LINC01488: variants seen among roughly 807,000 people sequenced by gnomAD.
LINC01488 encodes the protein long independently transcribed non-coding RNA 1488, also known as CCND1-upstream intergenic DNA repair 1.
At position 69,484,694 on chromosome 11, in the gene LINC01488, C is replaced by T. The variant is rs895820894; in HGVS notation, n.122+2911C>T. ...GCCGGCCCTGTGTCGCGCTGGCCCA[C>T]GCAGCTGCTGAGCCCTGCTGTTGGG... On this transcript the variant is annotated intron_variant and non_coding_transcript_variant, in intron 1 of 3. Coordinates refer to ENST00000644563, the Ensembl canonical transcript of LINC01488. Among the ~76,000 whole-genome samples, 9 of 152,248 alleles carry T rather than the reference C, an allele frequency of 5.9e-5. 1 individual carries two copies. Among genetic ancestry groups the T allele is most frequent in the Admixed American group, 3.9e-4 (6 of 15,290 alleles).
chr11:69,490,463 C>A (rs1857202777), intron 1 of LINC01488: 1 of 152,270 alleles, frequency 6.6e-6, no homozygotes, highest in African/African-American at 2.4e-5. Flanking sequence ...GCTAGAAATA[C>A]AATTCACCGA....
At chr11:69,489,368 G>A (rs1857178834) in intron 1 of LINC01488, among the ~76,000 whole-genome samples, 1 of 152,350 alleles carries the variant, frequency 6.6e-6, no homozygotes, top group Non-Finnish European at 1.5e-5. Context: ...GTTGGGCTCT[G>A]AGGACCCCTG....
At chr11:69,487,700 GGT>G (rs1044666498) in intron 1 of LINC01488, among the ~76,000 whole-genome samples, 3 of 152,128 alleles carry the variant, frequency 2.0e-5, no homozygotes, top group Non-Finnish European at 4.4e-5. Context: ...GGTGTGGGTG[GGT>G]GTCTCTTGTG....
intron 1 of LINC01488, among the ~76,000 whole-genome samples, chr11:69,488,801 C>T (rs559910963): frequency 7.2e-5 from 11 of 152,314 alleles, no homozygotes; most frequent in African/African-American, 2.4e-4. Context: ...GAACCGGCAG[C>T]AAAGGGCCGA....
At position 69,490,059 on chromosome 11, in the gene LINC01488, G is replaced by A. The variant is rs1205349289; in HGVS notation, n.123-436G>A. Among the ~76,000 whole-genome samples the A allele has an allele frequency of 3.9e-5, 6 of 152,224 alleles. No homozygotes were observed. In the East Asian group the frequency reaches 1.2e-3, roughly 29 times the overall value. On this transcript the variant is annotated intron_variant and non_coding_transcript_variant, in intron 1 of 3. Coordinates refer to ENST00000644563, the Ensembl canonical transcript of LINC01488. ...AGCATAGGTCAGAAAGGGGCCTGGAGTTTTGTTGGAGGAGCCCTTGGTCCC... is the reference window on the plus strand; with the variant it reads ...AGCATAGGTCAGAAAGGGGCCTGGAATTTTGTTGGAGGAGCCCTTGGTCCC...
intron 1 of LINC01488, among the ~76,000 whole-genome samples, chr11:69,490,342 G>A (rs1431187338): frequency 6.6e-6 from 1 of 152,260 alleles, no homozygotes; most frequent in Non-Finnish European, 1.5e-5. Flanking sequence ...AGTCAGTGCT[G>A]TGAAGACAAA....
exon 4 of LINC01488, chr11:69,492,201 G>A (rs961238640): frequency 3.9e-5 from 6 of 152,280 alleles, no homozygotes; most frequent in African/African-American, 1.2e-4. Context: ...GAGACATGAT[G>A]TGGCTTCAGC....
intron 1 of LINC01488, among the ~76,000 whole-genome samples, chr11:69,490,214 C>T (rs977314424): frequency 3.9e-5 from 6 of 152,206 alleles, no homozygotes; most frequent in African/African-American, 1.2e-4. Context: ...AGAGGCCCAT[C>T]CCTAGTCAGC....
At chr11:69,482,366 G>A (rs1857055358) in intron 1 of LINC01488, among the ~76,000 whole-genome samples, 1 of 152,098 alleles carries the variant, frequency 6.6e-6, no homozygotes, top group South Asian at 2.1e-4. Context: ...AAGGTGAGAT[G>A]TGAGTGGGGA....
chr11:69,483,905 G>C (rs1413860658), intron 1 of LINC01488, among the ~76,000 whole-genome samples: 1 of 152,192 alleles, frequency 6.6e-6, no homozygotes, highest in Non-Finnish European at 1.5e-5. Flanking sequence ...CAGGGGCTCT[G>C]TCTCAGGCGC....
In LINC01488 at chr11:69,488,728, C is replaced by T. The variant is rs561759736; in HGVS notation, n.123-1767C>T. Among the ~76,000 whole-genome samples, 38 of 152,342 alleles carry T rather than the reference C, an allele frequency of 2.5e-4. No individual in the cohort carries two copies. The East Asian group carries it at 5.6e-3, about 22-fold the overall frequency. ...ACACAGTGGCTGCCCAGGAGCCAGG[C>T]CTTCCAGTCTGAGAACACAATGGCC... On this transcript the variant is annotated intron_variant and non_coding_transcript_variant, in intron 1 of 3. Coordinates refer to ENST00000644563, the Ensembl canonical transcript of LINC01488.
intron 1 of LINC01488, among the ~76,000 whole-genome samples, chr11:69,482,292 C>T (rs538886601): frequency 8.5e-5 from 13 of 152,270 alleles, no homozygotes; most frequent in South Asian, 2.1e-4. Flanking sequence ...TGGGGTAAAC[C>T]GCCCCCATGA....
chr11:69,486,610 T>A (rs1857124256), intron 1 of LINC01488, among the ~76,000 whole-genome samples: 1 of 151,700 alleles, frequency 6.6e-6, no homozygotes, highest in Admixed American at 6.6e-5. Context: ...TCCTGGGGGG[T>A]CTTCCTGAGG....
At chr11:69,482,256 A>G (rs1857054626) in intron 1 of LINC01488, among the ~76,000 whole-genome samples, 1 of 152,092 alleles carries the variant, frequency 6.6e-6, no homozygotes, top group South Asian at 2.1e-4. Flanking sequence ...ATCTCATGAG[A>G]CTCATTCACT....
chr11:69,492,561 G>A (rs1331658653), exon 4 of LINC01488: 1 of 152,256 alleles, frequency 6.6e-6, no homozygotes, highest in Non-Finnish European at 1.5e-5. Context: ...TATGAGCCAA[G>A]GAGCATGGGC....
intron 1 of LINC01488, among the ~76,000 whole-genome samples, chr11:69,483,592 T>C (rs1170132910): frequency 2.6e-5 from 4 of 152,240 alleles, no homozygotes; most frequent in East Asian, 3.9e-4. Flanking sequence ...TGACCCGGGC[T>C]CAGAGGGCTG....
At chr11:69,484,411 T>C (rs937690134) in intron 1 of LINC01488, among the ~76,000 whole-genome samples, 2 of 152,312 alleles carry the variant, frequency 1.3e-5, no homozygotes, top group South Asian at 4.1e-4. Flanking sequence ...ATGCACCTGC[T>C]TCTTGTCCAC....
intron 1 of LINC01488, among the ~76,000 whole-genome samples, chr11:69,486,696 A>G (rs1224894492): frequency 6.6e-6 from 1 of 152,158 alleles, no homozygotes; most frequent in African/African-American, 2.4e-5. Context: ...AGCCTCTCCC[A>G]GTCCCAGGGG....
At chr11:69,482,687 T>C (rs1171041741) in intron 1 of LINC01488, among the ~76,000 whole-genome samples, 2 of 152,142 alleles carry the variant, frequency 1.3e-5, no homozygotes, top group African/African-American at 4.8e-5. Context: ...GAGAAGAAAG[T>C]TACATTGATT....
Sources: allele counts gnomAD v4.1 joint callset (sites outside exome capture counted in the v4.1 genomes callset), GRCh38; gene constraint gnomAD v4.1.1; transcripts MANE v1.5; gene names NCBI Gene and HGNC (gene_info 2026-07-23, HGNC 2026-07-21).